EPDR1: variants seen among roughly 807,000 people sequenced by gnomAD.
The protein encoded by EPDR1 is ependymin related 1.
Under a neutral mutation model 23.7 loss-of-function variants are expected in EPDR1, and 27 were observed. The ratio of observed to expected loss-of-function variants is 1.14; its 90% CI spans 0.84 to 1.57. EPDR1 has a LOEUF of 1.57. Ranked by LOEUF, EPDR1 falls within the 40% of genes most tolerant of loss-of-function variation. The pLI, the probability that EPDR1 is intolerant of heterozygous loss-of-function variation, is 0.00. For missense variants in EPDR1, 349 were observed against 290.4 expected (o/e 1.20, Z -1.47); for synonymous variants, 137 against 118.2 (o/e 1.16, Z -1.03).
chr7:37,927,702 C>T (rs903590850), intron 1 of EPDR1, among the ~76,000 whole-genome samples: 3 of 152,162 alleles, frequency 2.0e-5, no homozygotes, highest in African/African-American at 7.2e-5. Flanking sequence ...ATAAAGTGCT[C>T]AATAAATCTA....
At chr7:37,945,640 G>T (rs1190582394) in intron 1 of EPDR1, among the ~76,000 whole-genome samples, 1 of 152,198 alleles carries the variant, frequency 6.6e-6, no homozygotes, top group African/African-American at 2.4e-5. Flanking sequence ...GTCTGGGGTG[G>T]TGGTGGTGTA....
Position 37,920,978 on chromosome 7 carries a change from C to A in EPDR1, c.39C>A (p.Ala13=). ...GRAPLRTVPG[A]LGAWLLGGLW... Reference sequence around the variant, plus strand: ...CTCCCCTCCGCACCGTCCCGGGCGCCCTGGGTGCCTGGCTGCTGGGCGGCC... The same window carrying A: ...CTCCCCTCCGCACCGTCCCGGGCGCACTGGGTGCCTGGCTGCTGGGCGGCC... Residue 13 remains alanine (A), a synonymous_variant, in exon 1 of 3, where the codon GCC becomes GCA. Coordinates refer to ENST00000199448, the MANE Select transcript of EPDR1 (RefSeq NM_017549.5). 6.4e-7 allele frequency: 1 copy of A among 1,554,550 alleles called. No homozygotes were observed. Among genetic ancestry groups the A allele is most frequent in the South Asian group, 1.2e-5 (1 of 82,526 alleles).
At chr7:37,936,382 C>T (rs1488496389) in intron 1 of EPDR1, among the ~76,000 whole-genome samples, 1 of 151,918 alleles carries the variant, frequency 6.6e-6, no homozygotes, top group African/African-American at 2.4e-5. Context: ...TACTTGAAAC[C>T]ACAGCCCTTT....
At chr7:37,926,708 C>A (rs1252760985) in intron 1 of EPDR1, 1 of 454,624 alleles carries the variant, frequency 2.2e-6, no homozygotes, top group Non-Finnish European at 4.4e-6. Flanking sequence ...GGATAATACT[C>A]TGTTCCAATT....
rs767060678 is a variant in EPDR1, at chr7:37,950,424, G to A, written c.*28G>A. On this transcript the variant is annotated 3_prime_UTR_variant, in exon 3 of 3. Coordinates refer to ENST00000199448, the MANE Select transcript of EPDR1 (RefSeq NM_017549.5). ...CTGTGCATAGGGAAGCGGCAGCATC[G>A]GATGTCAGCCCCCTGCGGCCCCAGC... 9.9e-5 allele frequency: 156 copies of A among 1,578,706 alleles called. No individual in the cohort carries two copies. The highest frequency in any genetic ancestry group is 1.2e-4 in the Non-Finnish European group (139 of 1,158,624).
At chr7:37,939,014 T>C (rs145289494) in intron 1 of EPDR1, among the ~76,000 whole-genome samples, 2,646 of 151,528 alleles carry the variant, frequency 0.017, 38 homozygotes, top group Non-Finnish European at 0.018. Flanking sequence ...AGTCTCACTC[T>C]GTTGCCCAGG....
At chr7:37,922,516 G>C (rs540191967) in intron 1 of EPDR1, among the ~76,000 whole-genome samples, 1 of 152,240 alleles carries the variant, frequency 6.6e-6, no homozygotes, top group South Asian at 2.1e-4. Flanking sequence ...ATGACACTGA[G>C]GACTTTACAT....
chr7:37,921,129 C>T lies in EPDR1; in HGVS notation c.190C>T (p.Arg64Cys). The T allele has an allele frequency of 5.6e-6, 9 of 1,595,564 alleles. No homozygotes were observed. Among genetic ancestry groups the T allele is most frequent in the Non-Finnish European group, 7.6e-6 (9 of 1,178,482 alleles). The change falls in exon 1 of 3, where the codon CGC (arginine) becomes TGC (cysteine). Residue 64 changes from arginine (R) to cysteine (C), a missense_variant. Arg to Cys is a radical substitution (Grantham distance 180, BLOSUM62 -3). Transcript: ENST00000199448. ...CCAGCAAAGTAGCGGGCGCAACAGC[C>T]GCGCCCTGCTCTCCTACGACGGGCT... ...MYQQSSGRNS[R>C]ALLSYDGLNQ...
intron 1 of EPDR1, among the ~76,000 whole-genome samples, chr7:37,934,945 T>TA (rs35966595): frequency 1.3e-5 from 2 of 151,028 alleles, no homozygotes; most frequent in East Asian, 1.9e-4. Flanking sequence ...ACTTTGTCTT[T>TA]AAAAAAAAAG....
At chr7:37,940,195 A>G (rs974278757) in intron 1 of EPDR1, among the ~76,000 whole-genome samples, 10 of 152,358 alleles carry the variant, frequency 6.6e-5, no homozygotes, top group Admixed American at 1.3e-4. Flanking sequence ...AAAGAAGAAG[A>G]GAAAATAATA....
intron 1 of EPDR1, among the ~76,000 whole-genome samples, chr7:37,931,127 T>C (rs529092268): frequency 1.3e-5 from 2 of 152,362 alleles, no homozygotes; most frequent in East Asian, 1.9e-4. Flanking sequence ...CATCTACTTA[T>C]TGCCATTTAA....
At chr7:37,929,911 A>T (rs1785897383) in intron 1 of EPDR1, among the ~76,000 whole-genome samples, 1 of 152,114 alleles carries the variant, frequency 6.6e-6, no homozygotes, top group East Asian at 1.9e-4. Flanking sequence ...GGCATTTGAG[A>T]TTTATTTCTA....
intron 1 of EPDR1, among the ~76,000 whole-genome samples, chr7:37,934,643 C>T (rs899800904): frequency 6.6e-6 from 1 of 152,014 alleles, no homozygotes. Flanking sequence ...GGAAAATATT[C>T]TTTTAAAAAA....
In EPDR1 at chr7:37,938,628, C is replaced by A. The variant is rs147619056; in HGVS notation, c.270-10212C>A. Among the ~76,000 whole-genome samples, 21 of 152,366 alleles carry A rather than the reference C, an allele frequency of 1.4e-4. No homozygotes were observed. The East Asian group carries it at 4.0e-3, about 29-fold the overall frequency. On this transcript the variant is annotated intron_variant, in intron 1 of 2. Transcript: ENST00000199448. Reference sequence around the variant, plus strand: ...CTTATCCAGCCTGCTTTTGCTTTAACTGGACCACTTCTACCACTTGGTAGC... The same window carrying A: ...CTTATCCAGCCTGCTTTTGCTTTAAATGGACCACTTCTACCACTTGGTAGC...
At chr7:37,934,953 A>C (rs934044946) in intron 1 of EPDR1, among the ~76,000 whole-genome samples, 3 of 151,726 alleles carry the variant, frequency 2.0e-5, no homozygotes, top group Non-Finnish European at 2.9e-5. Flanking sequence ...TTTAAAAAAA[A>C]AGTTAACTAT....
At chr7:37,938,799 T>C (rs1044095009) in intron 1 of EPDR1, among the ~76,000 whole-genome samples, 2 of 152,346 alleles carry the variant, frequency 1.3e-5, no homozygotes, top group East Asian at 3.9e-4. Context: ...CTGCAGCTGA[T>C]TGGGCCGCCA....
intron 1 of EPDR1, among the ~76,000 whole-genome samples, chr7:37,939,993 AT>A (rs1448621431): frequency 6.6e-6 from 1 of 152,222 alleles, no homozygotes; most frequent in Non-Finnish European, 1.5e-5. Context: ...ACACAAGGTC[AT>A]TATTTTTGTT....
At position 37,948,867 on chromosome 7, in the gene EPDR1, G is replaced by C; in HGVS notation, c.297G>C (p.Lys99Asn). ...TATTTGAATATATTTTGCTGTATAA[G>C]GATGGAGTGATGTTTCAGATTGACC... ...KRLFEYILLY[K>N]DGVMFQIDQA... Residue 99 changes from lysine to asparagine, a missense_variant, in exon 2 of 3, where the codon AAG (lysine) becomes AAC (asparagine). Lys to Asn is a moderately conservative substitution (Grantham distance 94). Transcript: ENST00000199448. 6.2e-7 allele frequency: 1 copy of C among 1,614,114 alleles called. No homozygotes were observed. Among genetic ancestry groups the C allele is most frequent in the Non-Finnish European group, 8.5e-7 (1 of 1,180,026 alleles).
chr7:37,925,945 T>C lies in EPDR1; in HGVS notation c.269+4737T>C, dbSNP rs2132000080. Among the ~76,000 whole-genome samples, 2 of 152,354 alleles carry C rather than the reference T, an allele frequency of 1.3e-5. 1 individual carries two copies. Among genetic ancestry groups the C allele is most frequent in the African/African-American group, 4.8e-5 (2 of 41,584 alleles). ...AATTCAAAGTTCTTTTTCTTCCTTC[T>C]CTTTTTCATCTAAGCCTGTGCTTAT... is the stretch of plus-strand genomic sequence containing the variant. On this transcript the variant is annotated intron_variant, in intron 1 of 2. Coordinates refer to ENST00000199448, the MANE Select transcript of EPDR1 (RefSeq NM_017549.5).
Sources: gnomAD v4.1 joint callset for allele counts (sites outside exome capture counted in the v4.1 genomes callset) on GRCh38, gnomAD v4.1.1 for gene constraint, MANE v1.5 for transcripts, NCBI Gene and HGNC (gene_info 2026-07-23, HGNC 2026-07-21) for gene names.